Variants in GEN1 observed in about 807,000 individuals in gnomAD.
GEN1 encodes flap endonuclease GEN homolog 1.
In GEN1, 64 loss-of-function variants were observed where a neutral mutation model predicts 67.6. The ratio of observed to expected loss-of-function variants is 0.95; its 90% CI spans 0.77 to 1.17. The LOEUF is 1.17. Among genes scored for constraint, GEN1 ranks in the 50% most tolerant of loss-of-function variants. GEN1 has a pLI of 0.00. For missense variants in GEN1, 1,058 were observed against 1,048.3 expected, an observed-to-expected ratio of 1.01 and a Z score of -0.13; for synonymous variants, 371 against 359.4, an observed-to-expected ratio of 1.03 and a Z score of -0.37.
intron 3 of GEN1, among the ~76,000 whole-genome samples, chr2:17,763,448 T>C (rs1671775311): frequency 6.6e-6 from 1 of 152,216 alleles, no homozygotes; most frequent in Non-Finnish European, 1.5e-5. Context: ...TATGGTGTTC[T>C]TAGGCATTTT....
chr2:17,758,311 A>G (rs1384953200), intron 1 of GEN1, among the ~76,000 whole-genome samples: 2 of 152,250 alleles, frequency 1.3e-5, no homozygotes, highest in Non-Finnish European at 1.5e-5. Context: ...AAGGAATTGC[A>G]TAATTGTCTT....
At chr2:17,767,775 A>T (rs999439673) in intron 5 of GEN1, among the ~76,000 whole-genome samples, 1 of 152,246 alleles carries the variant, frequency 6.6e-6, no homozygotes, top group Non-Finnish European at 1.5e-5. Flanking sequence ...TTTTAAAACC[A>T]AAACTGCTAT....
In GEN1 at chr2:17,759,310, C is replaced by A. The variant is rs1448759318; in HGVS notation, c.-15-619C>A. ...CCAGATAATAGTAGCAAAGTTTAAG[C>A]CAATTTTGTTTTTAAAATGTCATGT... On this transcript the variant is annotated intron_variant, in intron 1 of 13. Coordinates refer to ENST00000381254, the MANE Select transcript of GEN1 (RefSeq NM_001130009.3). 2.0e-5 allele frequency among the ~76,000 whole-genome samples: 3 copies of A among 152,270 alleles called. No individual in the cohort carries two copies. The East Asian group carries it at 5.8e-4, about 29-fold the overall frequency.
chr2:17,778,257 C>T lies in GEN1; in HGVS notation c.1264+194C>T, dbSNP rs868769121. ...ATGTGTGTACATATATGTATACACACATATGTGTGTACATATATGTATATA... is the reference window on the plus strand; with the variant it reads ...ATGTGTGTACATATATGTATACACATATATGTGTGTACATATATGTATATA... On this transcript the variant is annotated intron_variant, in intron 12 of 13. Coordinates refer to ENST00000381254, the MANE Select transcript of GEN1 (RefSeq NM_001130009.3). Among the ~76,000 whole-genome samples the T allele has an allele frequency of 5.2e-4, 20 of 38,664 alleles. 5 individuals are homozygous for T. The highest frequency in any genetic ancestry group is 2.5e-3 in the Admixed American group (6 of 2,394). 25.4% of individuals were successfully genotyped at this position (38,664 alleles called of 152,430 possible).
intron 5 of GEN1, among the ~76,000 whole-genome samples, chr2:17,768,358 T>TG (rs1197456697): frequency 6.6e-6 from 1 of 152,238 alleles, no homozygotes; most frequent in African/African-American, 2.4e-5. Context: ...TAAATGAACT[T>TG]GCTTTTTCCT....
chr2:17,772,415 T>C (rs1672233434), intron 7 of GEN1, among the ~76,000 whole-genome samples: 1 of 152,062 alleles, frequency 6.6e-6, no homozygotes, highest in African/African-American at 2.4e-5. Flanking sequence ...TTTTCTAAAG[T>C]GTCATGTGAT....
chr2:17,759,364 C>G (rs1429900119), intron 1 of GEN1, among the ~76,000 whole-genome samples: 4 of 152,132 alleles, frequency 2.6e-5, no homozygotes, highest in African/African-American at 7.2e-5. Flanking sequence ...CTTTAGTTTT[C>G]TTTGGGTGGT....
intron 12 of GEN1, among the ~76,000 whole-genome samples, chr2:17,778,298 GTA>G (rs1223825144): frequency 1.7e-5 from 2 of 117,070 alleles, no homozygotes; most frequent in African/African-American, 7.2e-5. Context: ...ACATGTGTGT[GTA>G]CATATATGTA....
At position 17,759,755 on chromosome 2, in the gene GEN1, C is replaced by T. The variant is rs576335494; in HGVS notation, c.-15-174C>T. 7.2e-5 allele frequency among the ~76,000 whole-genome samples: 11 copies of T among 152,226 alleles called. No homozygotes were observed. The East Asian group carries it at 7.7e-4, about 11-fold the overall frequency. ...TTTTAGCTGGGAAAAAGCCAATTACCGCCATTTTAACGTTTCAGGTGTTCT... is the reference window on the plus strand; with the variant it reads ...TTTTAGCTGGGAAAAAGCCAATTACTGCCATTTTAACGTTTCAGGTGTTCT... On this transcript the variant is annotated intron_variant, in intron 1 of 13. Coordinates refer to ENST00000381254, the MANE Select transcript of GEN1 (RefSeq NM_001130009.3).
chr2:17,780,709 CTT>C lies in GEN1; in HGVS notation c.1499_1500del (p.Phe500SerfsTer2). The C allele has an allele frequency of 1.2e-6, 2 of 1,613,906 alleles. No individual in the cohort carries two copies. Among genetic ancestry groups the C allele is most frequent in the Non-Finnish European group, 1.7e-6 (2 of 1,179,874 alleles). On this transcript the variant is annotated frameshift_variant, in exon 14 of 14. Coordinates refer to ENST00000381254, the MANE Select transcript of GEN1 (RefSeq NM_001130009.3). LOFTEE classifies it low-confidence loss of function (END_TRUNC). ...HMTLKPTCEIFHKQNSKLNSG... is the reference protein window; with the variant it reads ...HMTLKPTCEIXHKQNSKLNSG... Reference sequence around the variant, plus strand: ...TGACTTTAAAACCCACATGTGAAATCTTTCATAAGCAGAATTCCAAGTTAAAT... The same window carrying C: ...TGACTTTAAAACCCACATGTGAAATCTCATAAGCAGAATTCCAAGTTAAAT...
At chr2:17,773,006 C>T in intron 8 of GEN1, 90 bp from the exon 9 acceptor site, 1 of 899,536 alleles carries the variant, frequency 1.1e-6, no homozygotes, top group South Asian at 1.6e-5. Context: ...ATTCACATTT[C>T]TTATTAAATG....
rs1295424682 is a variant in GEN1 at position 17,764,879 on chromosome 2, C to T, written c.349-18C>T. 5 of 1,605,260 alleles carry T rather than the reference C, an allele frequency of 3.1e-6. No individual in the cohort carries two copies. In the Admixed American group the frequency reaches 8.7e-5, roughly 28 times the overall value. On this transcript the variant is annotated intron_variant, in intron 3 of 13. Transcript: ENST00000381254. ...TGAAAACATTCTTTAACATCTTGCACCTGCTTTTTGTTTTCAGTGCCTCCA... is the reference window on the plus strand; with the variant it reads ...TGAAAACATTCTTTAACATCTTGCATCTGCTTTTTGTTTTCAGTGCCTCCA...
Position 17,768,714 on chromosome 2 carries a change from A to AT in GEN1, c.637-16dup, listed in dbSNP as rs748054580. 1.1e-4 allele frequency: 173 copies of AT among 1,538,552 alleles called. No individual in the cohort carries two copies. The African/African-American group carries it at 1.2e-3, about 11-fold the overall frequency. ...ATTCCTAGTGATTAACATTGGAATT[A>AT]TTTTTTTTCCCACTTTCTGAAAGGG... On this transcript the variant is annotated intron_variant, in intron 5 of 13. Coordinates refer to ENST00000381254, the MANE Select transcript of GEN1 (RefSeq NM_001130009.3).
At chr2:17,754,858 T>A (rs919842178) in intron 1 of GEN1, 3 of 152,252 alleles carry the variant, frequency 2.0e-5, no homozygotes, top group African/African-American at 7.2e-5. Context: ...TAATGAAGTC[T>A]TAACTTCCTT....
intron 4 of GEN1, among the ~76,000 whole-genome samples, chr2:17,765,896 G>C (rs1476591859): frequency 6.6e-6 from 1 of 151,806 alleles, no homozygotes; most frequent in African/African-American, 2.4e-5. Context: ...TATGCACCAA[G>C]CTATTAATGA....
At chr2:17,763,100 GTAT>G (rs1378086350) in intron 3 of GEN1, among the ~76,000 whole-genome samples, 2 of 152,056 alleles carry the variant, frequency 1.3e-5, no homozygotes, top group Non-Finnish European at 2.9e-5. Context: ...AGTTCTTTAT[GTAT>G]TAAGGATATA....
At chr2:17,776,115 C>CA (rs34705905) in intron 11 of GEN1, among the ~76,000 whole-genome samples, 4,598 of 80,316 alleles carry the variant, frequency 0.057, 295 homozygotes, top group African/African-American at 0.17. Context: ...GACCCTGTCT[C>CA]AAAAAAAAAA....
At position 17,787,968 on chromosome 2, in the gene GEN1, A is replaced by G. The variant is rs1372484762; in HGVS notation, c.*6029A>G. The stretch of plus-strand genomic sequence containing the variant: ...GTGTTCAGTGAATGGGTGCTGATTG[A>G]CTGATGGTGATTTCAGTCAGGGTCT... On this transcript the variant is annotated 3_prime_UTR_variant, in exon 14 of 14. Coordinates refer to ENST00000381254, the MANE Select transcript of GEN1 (RefSeq NM_001130009.3). The G allele has an allele frequency of 6.6e-6, 1 of 152,236 alleles. No homozygotes were observed. The highest frequency in any genetic ancestry group is 1.5e-5 in the Non-Finnish European group (1 of 68,066). 9.4% of individuals were successfully genotyped at this position (152,236 alleles called of 1,614,324 possible).
intron 6 of GEN1, among the ~76,000 whole-genome samples, chr2:17,770,806 C>G (rs1372049905): frequency 6.6e-6 from 1 of 151,664 alleles, no homozygotes; most frequent in Non-Finnish European, 1.5e-5. Context: ...GAGAAATGTT[C>G]ATGATTCTGT....
Sources: allele counts gnomAD v4.1 joint callset (sites outside exome capture counted in the v4.1 genomes callset), GRCh38; gene constraint gnomAD v4.1.1; transcripts MANE v1.5; gene names NCBI Gene and HGNC (gene_info 2026-07-23, HGNC 2026-07-21).